The following RFX3 variants were observed in gnomAD, a reference collection of about 807,000 sequenced individuals.
RFX3 encodes regulatory factor X3, also known as transcription factor RFX3.
A neutral mutation model predicts 98.6 loss-of-function variants in RFX3; 14 were observed. That is an observed-to-expected ratio of 0.14 (90% CI 0.09 to 0.22). The LOEUF is 0.22. Ranked by LOEUF, RFX3 falls within the 10% of genes least tolerant of loss-of-function variation. The pLI, the probability that RFX3 is intolerant of heterozygous loss-of-function variation, is 1.00. For missense variants in RFX3, 639 were observed against 926.9 expected (o/e 0.69, Z 4.03); for synonymous variants, 383 against 328.4 (o/e 1.17, Z -1.80).
rs141266350 is a variant in RFX3 at position 3,393,673 on chromosome 9, A to G, written c.117+1799T>C. 2.6e-3 allele frequency among the ~76,000 whole-genome samples: 380 copies of G among 148,668 alleles called. 18 individuals are homozygous for G. Among genetic ancestry groups the G allele is most frequent in the African/African-American group, 9.4e-3 (366 of 39,056 alleles). Reference sequence around the variant, plus strand: ...CTTAAAATTGGTGATGGCATTAATAATAACAGAGCCTTTTAAATCACCATT... The same window carrying G: ...CTTAAAATTGGTGATGGCATTAATAGTAACAGAGCCTTTTAAATCACCATT... On this transcript the variant is annotated intron_variant, in intron 2 of 16. Transcript: ENST00000617270.
intron 2 of RFX3, among the ~76,000 whole-genome samples, chr9:3,359,638 C>T (rs931760141): frequency 6.6e-5 from 10 of 152,046 alleles, no homozygotes; most frequent in Middle Eastern, 3.4e-3. Flanking sequence ...GAGTTCAGCA[C>T]GGGGAAAACA....
At chr9:3,451,772 T>C (rs1409591909) in intron 1 of RFX3, among the ~76,000 whole-genome samples, 2 of 152,088 alleles carry the variant, frequency 1.3e-5, no homozygotes, top group African/African-American at 4.8e-5. Context: ...CTCTGTTTAA[T>C]ATCTTCACAT....
intron 15 of RFX3, among the ~76,000 whole-genome samples, chr9:3,246,766 G>A (rs79085017): frequency 0.025 from 3,856 of 152,254 alleles, 166 homozygotes; most frequent in African/African-American, 0.088. Context: ...TGCTTACAAT[G>A]AAAAGCCACA....
chr9:3,342,763 T>A (rs1266821391), intron 3 of RFX3, among the ~76,000 whole-genome samples: 2 of 152,210 alleles, frequency 1.3e-5, no homozygotes, highest in African/African-American at 4.8e-5. Flanking sequence ...TTAATCATAG[T>A]ATTCTAATTG....
intron 1 of RFX3, among the ~76,000 whole-genome samples, chr9:3,466,971 T>G (rs1848277924): frequency 1.3e-5 from 2 of 148,890 alleles, no homozygotes; most frequent in South Asian, 4.2e-4. Context: ...CAATAAGAGT[T>G]TATGCCTACT....
At chr9:3,510,435 A>G (rs1587903183) in intron 1 of RFX3, among the ~76,000 whole-genome samples, 1 of 152,048 alleles carries the variant, frequency 6.6e-6, no homozygotes, top group East Asian at 1.9e-4. Context: ...CAAACATAGA[A>G]TAAGTGGATC....
At position 3,350,865 on chromosome 9, in the gene RFX3, T is replaced by C. The variant is rs549351544; in HGVS notation, c.118-4101A>G. 8.5e-5 allele frequency among the ~76,000 whole-genome samples: 13 copies of C among 152,190 alleles called. No homozygotes were observed. The South Asian group carries it at 2.5e-3, about 29-fold the overall frequency. ...TGAAAAGGTTACATACTGTAGGATT[T>C]CAACTATCTGACATTCTGGAAAAGG... On this transcript the variant is annotated intron_variant, in intron 2 of 16. Transcript: ENST00000617270.
At chr9:3,286,171 T>A (rs918344253) in intron 7 of RFX3, among the ~76,000 whole-genome samples, 4 of 151,824 alleles carry the variant, frequency 2.6e-5, no homozygotes, top group Non-Finnish European at 5.9e-5. Flanking sequence ...CACTGTGTAG[T>A]GGTGCTATGC....
intron 4 of RFX3, among the ~76,000 whole-genome samples, chr9:3,308,164 C>T (rs573135417): frequency 7.2e-5 from 11 of 152,202 alleles, no homozygotes; most frequent in African/African-American, 2.6e-4. Context: ...TAATAGTGTA[C>T]ACCTCCTCCC....
intron 1 of RFX3, among the ~76,000 whole-genome samples, chr9:3,505,231 A>ATATTT (rs1312287803): frequency 1.6e-4 from 11 of 68,528 alleles, no homozygotes; most frequent in Middle Eastern, 0.018. Flanking sequence ...TTTATATATG[A>ATATTT]ATATATATTT....
At chr9:3,320,246 C>T (rs1023883928) in intron 4 of RFX3, among the ~76,000 whole-genome samples, 1 of 152,068 alleles carries the variant, frequency 6.6e-6, no homozygotes, top group Non-Finnish European at 1.5e-5. Flanking sequence ...CTTCATGTAT[C>T]CTTCCTAAAG....
At chr9:3,448,980 T>C (rs182845056) in intron 1 of RFX3, among the ~76,000 whole-genome samples, 11 of 152,342 alleles carry the variant, frequency 7.2e-5, no homozygotes, top group Middle Eastern at 3.4e-3. Context: ...GTTGGTTTTG[T>C]CTATTATCTT....
intron 1 of RFX3, among the ~76,000 whole-genome samples, chr9:3,446,655 C>T (rs1846081986): frequency 6.6e-6 from 1 of 151,088 alleles, no homozygotes; most frequent in East Asian, 1.9e-4. Context: ...GACTCCTTTC[C>T]TTCTCAATTC....
chr9:3,366,706 CT>C lies in RFX3; in HGVS notation c.118-19943del, dbSNP rs1554681280. On this transcript the variant is annotated intron_variant, in intron 2 of 16. Coordinates refer to ENST00000617270, the MANE Select transcript of RFX3 (RefSeq NM_001282116.2). ...TCTTCTTTCTTTCCTTTCTTTCTTT[CT>C]TTCTTTCTTTCTTTCTTTCTTTCTT... is the stretch of plus-strand genomic sequence containing the variant. 5.9e-3 allele frequency among the ~76,000 whole-genome samples: 520 copies of C among 88,782 alleles called. 3 individuals carry two copies. The highest frequency in any genetic ancestry group is 0.016 in the African/African-American group (367 of 22,934). 58.2% of individuals were successfully genotyped at this position (88,782 alleles called of 152,430 possible). A position where few individuals can be genotyped will look rare whatever the true frequency, so the allele number is the denominator to read the frequency against.
chr9:3,419,475 G>A (rs1339774723), intron 1 of RFX3, among the ~76,000 whole-genome samples: 4 of 152,064 alleles, frequency 2.6e-5, no homozygotes, highest in Non-Finnish European at 5.9e-5. Flanking sequence ...CTGTCTTTTT[G>A]ACACTGAGGC....
chr9:3,512,399 T>G (rs1221689616), intron 1 of RFX3, among the ~76,000 whole-genome samples: 1 of 151,934 alleles, frequency 6.6e-6, no homozygotes, highest in African/African-American at 2.4e-5. Context: ...ATAAAATGTT[T>G]TAGGAATATA....
intron 6 of RFX3, 62 bp downstream of exon 6, chr9:3,293,015 T>C (rs1245931534): frequency 1.8e-5 from 24 of 1,320,384 alleles, no homozygotes; most frequent in Non-Finnish European, 2.3e-5. Context: ...TTAAACAATA[T>C]ATTGAATTGC....
intron 2 of RFX3, among the ~76,000 whole-genome samples, chr9:3,354,719 TAAAGAA>T (rs1229631631): frequency 2.0e-5 from 3 of 151,846 alleles, no homozygotes; most frequent in Non-Finnish European, 4.4e-5. Flanking sequence ...TTCTTCAGAC[TAAAGAA>T]AAAGAATACT....
chr9:3,321,353 T>G (rs988602363), intron 4 of RFX3, among the ~76,000 whole-genome samples: 2 of 152,186 alleles, frequency 1.3e-5, no homozygotes, highest in Non-Finnish European at 1.5e-5. Flanking sequence ...GATAAAAAAT[T>G]TCCACATTGC....
Sources: allele counts gnomAD v4.1 joint callset (sites outside exome capture counted in the v4.1 genomes callset), GRCh38; gene constraint gnomAD v4.1.1; transcripts MANE v1.5; gene names NCBI Gene and HGNC (gene_info 2026-07-23, HGNC 2026-07-21).